The following RNF10 variants were observed in gnomAD, a reference collection of about 807,000 sequenced individuals.
The protein encoded by RNF10 is ring finger protein 10.
RNF10 carries 38 observed loss-of-function variants against 91.4 expected under a neutral mutation model. That is an observed-to-expected ratio of 0.42 (90% CI 0.32 to 0.54). The LOEUF is 0.54. Among genes scored for constraint, RNF10 ranks in the 20% least tolerant of loss-of-function variants. The pLI, the probability that RNF10 is intolerant of heterozygous loss-of-function variation, is 0.16. For synonymous variants in RNF10, 364 were observed against 366.3 expected (o/e 0.99, Z 0.07); for missense variants, 945 against 1,012.0 (o/e 0.93, Z 0.90).
chr12:120,576,803 T>C lies in RNF10; in HGVS notation c.*137T>C. ...CTCTGGGGGGAGGGGGTTTCCACAA[T>C]GTGAGGGGGAACCAAGAAAATTTTA... On this transcript the variant is annotated 3_prime_UTR_variant, in exon 17 of 17. Coordinates refer to ENST00000325954, the MANE Select transcript of RNF10 (RefSeq NM_014868.5). 1.7e-6 allele frequency: 2 copies of C among 1,186,380 alleles called. No individual in the cohort carries two copies. The highest frequency in any genetic ancestry group is 1.5e-5 in the African/African-American group (1 of 64,534). The allele number at this position is 1,186,380 out of a possible 1,614,324, so 73.5% of individuals were successfully genotyped here.
At chr12:120,575,560 A>C in intron 14 of RNF10, 71 bp from the exon 15 acceptor site, 1 of 1,546,294 alleles carries the variant, frequency 6.5e-7, no homozygotes, top group Non-Finnish European at 8.9e-7. Context: ...CCAGTTAGTC[A>C]AGGTAGGTCT....
chr12:120,548,662 T>TC (rs1359159888), intron 2 of RNF10, among the ~76,000 whole-genome samples: 8 of 145,548 alleles, frequency 5.5e-5, no homozygotes, highest in Non-Finnish European at 1.2e-4. Flanking sequence ...TTTTCTTTCT[T>TC]TTTTTTTTTT....
intron 6 of RNF10, among the ~76,000 whole-genome samples, chr12:120,559,844 C>T (rs917576937): frequency 5.9e-5 from 9 of 151,264 alleles, no homozygotes; most frequent in African/African-American, 1.2e-4. Flanking sequence ...TATAGGCGCC[C>T]GTCACCACGC....
At chr12:120,548,122 G>C (rs1387674249) in intron 2 of RNF10, among the ~76,000 whole-genome samples, 1 of 152,192 alleles carries the variant, frequency 6.6e-6, no homozygotes, top group Non-Finnish European at 1.5e-5. Flanking sequence ...GTTTTTTTGG[G>C]AGAGGGGAAT....
intron 6 of RNF10, among the ~76,000 whole-genome samples, chr12:120,559,026 A>T (rs1874427636): frequency 6.8e-6 from 1 of 146,878 alleles, no homozygotes; most frequent in African/African-American, 2.5e-5. Context: ...AATAATTAAA[A>T]TTAATTTAAT....
In RNF10 at chr12:120,544,176, G is replaced by A. The variant is rs147661957; in HGVS notation, c.158-2229G>A. ...CGGGAGGTAGAGGTTGCAGTGAGCC[G>A]AGATTGCGCCACTGCACTCCAGCCT... On this transcript the variant is annotated intron_variant, in intron 1 of 16. Transcript: ENST00000325954. Among the ~76,000 whole-genome samples the A allele has an allele frequency of 4.8e-3, 728 of 152,054 alleles. 6 individuals carry two copies. Among genetic ancestry groups the A allele is most frequent in the African/African-American group, 0.017 (709 of 41,456 alleles).
intron 1 of RNF10, chr12:120,535,463 C>T (rs1468284711): frequency 6.6e-6 from 1 of 152,274 alleles, no homozygotes; most frequent in Non-Finnish European, 1.5e-5. Context: ...GGAAGTCATC[C>T]TTCAGTGGCT....
chr12:120,569,818 C>T (rs539392672), intron 13 of RNF10, among the ~76,000 whole-genome samples: 1 of 150,056 alleles, frequency 6.7e-6, no homozygotes, highest in Admixed American at 6.6e-5. Context: ...GATTATAGGC[C>T]TGAGCCACTG....
chr12:120,548,697 C>G (rs1872646533), intron 2 of RNF10, among the ~76,000 whole-genome samples: 1 of 138,914 alleles, frequency 7.2e-6, no homozygotes, highest in African/African-American at 2.6e-5. Flanking sequence ...CTCGCTCTGT[C>G]CCCCCAGGCT....
intron 4 of RNF10, among the ~76,000 whole-genome samples, chr12:120,556,402 G>T (rs1206100040): frequency 6.6e-6 from 1 of 151,082 alleles, no homozygotes; most frequent in Non-Finnish European, 1.5e-5. Context: ...GCAGTGGCGG[G>T]TACCTGTAGT....
rs1217585079 is a variant in RNF10, at chr12:120,568,670, C to T, written c.2041+1690C>T. Among the ~76,000 whole-genome samples, 8 of 151,502 alleles carry T rather than the reference C, an allele frequency of 5.3e-5. No individual in the cohort carries two copies. The South Asian group carries it at 1.7e-3, about 32-fold the overall frequency. On this transcript the variant is annotated intron_variant, in intron 13 of 16. Coordinates refer to ENST00000325954, the MANE Select transcript of RNF10 (RefSeq NM_014868.5). Reference sequence around the variant, plus strand: ...TTTGTATTTTTAATAGAGACAGGGTCTCTCCATGTTGGCCAGGCTGGTCTC... The same window carrying T: ...TTTGTATTTTTAATAGAGACAGGGTTTCTCCATGTTGGCCAGGCTGGTCTC...
intron 13 of RNF10, 128 bp from the exon 14 acceptor site, chr12:120,571,062 GT>G (rs1876545683): frequency 1.6e-6 from 1 of 642,828 alleles, no homozygotes; most frequent in Non-Finnish European, 2.7e-6. Context: ...TTGGATCAAT[GT>G]TTGCTTTTTT....
chr12:120,573,680 CGAAGT>C (rs1322423520), intron 14 of RNF10, among the ~76,000 whole-genome samples: 1 of 151,864 alleles, frequency 6.6e-6, no homozygotes, highest in Non-Finnish European at 1.5e-5. Context: ...TCATGGTACA[CGAAGT>C]GAAGGGGTCC....
Position 120,534,757 on chromosome 12 carries a change from G to T in RNF10, c.-55G>T. 1 of 1,513,624 alleles carries T rather than the reference G, an allele frequency of 6.6e-7. No homozygotes were observed. The allele number at this position is 1,513,624 out of a possible 1,614,324, so 93.8% of individuals were successfully genotyped here. On this transcript the variant is annotated 5_prime_UTR_variant, in exon 1 of 17. Transcript: ENST00000325954. ...GCCGGCCCTGAACGCCATGAGCCTGGGTCCCCGCCGCGCCCGCTCCGCTCC... is the reference window on the plus strand; with the variant it reads ...GCCGGCCCTGAACGCCATGAGCCTGTGTCCCCGCCGCGCCCGCTCCGCTCC...
At chr12:120,567,109 C>A in intron 13 of RNF10, 129 bp downstream of exon 13, 1 of 800,614 alleles carries the variant, frequency 1.2e-6, no homozygotes, top group Non-Finnish European at 1.9e-6. Context: ...CTTTGGTAGT[C>A]CTGAGGTACA....
chr12:120,563,217 G>A, intron 8 of RNF10, 130 bp from the exon 9 acceptor site: 1 of 1,474,430 alleles, frequency 6.8e-7, no homozygotes, highest in Non-Finnish European at 9.3e-7. Context: ...TTTCCCCAGG[G>A]GTGTTAAATC....
Position 120,575,611 on chromosome 12 carries a change from C to T in RNF10, c.2143-20C>T. On this transcript the variant is annotated intron_variant, in intron 14 of 16. Transcript: ENST00000325954. ...CCAGCTACTTAAATTCTCTCCCCCA[C>T]TTCTTTCCCACTTTGGCAGATGCTG... 1 of 1,614,134 alleles carries T rather than the reference C, an allele frequency of 6.2e-7. No homozygotes were observed. The highest frequency in any genetic ancestry group is 8.5e-7 in the Non-Finnish European group (1 of 1,179,994).
chr12:120,571,370 G>A, intron 14 of RNF10, 79 bp downstream of exon 14: 1 of 1,040,572 alleles, frequency 9.6e-7, no homozygotes. Flanking sequence ...ACCTCCTCCA[G>A]GGATTGTTAC....
rs1875188748 is a variant in RNF10 at position 120,563,352 on chromosome 12, G to A, written c.1260G>A (p.Val420=). ...CTTAGAGTTTGCTGCAACAGGGTGTGCTGGAGTATCTGTCTGCCTTCGATG... is the reference window on the plus strand; with the variant it reads ...CTTAGAGTTTGCTGCAACAGGGTGTACTGGAGTATCTGTCTGCCTTCGATG... The part of the protein sequence containing the change: ...KESVFQPRKG[V]LEYLSAFDEE... The change falls in exon 9 of 17, where the codon GTG becomes GTA. Residue 420 remains valine (V), a synonymous_variant. Transcript: ENST00000325954. The A allele has an allele frequency of 1.2e-6, 2 of 1,609,982 alleles. No individual in the cohort carries two copies. Among genetic ancestry groups the A allele is most frequent in the Non-Finnish European group, 1.7e-6 (2 of 1,178,908 alleles).
Sources: allele counts gnomAD v4.1 joint callset (sites outside exome capture counted in the v4.1 genomes callset), GRCh38; gene constraint gnomAD v4.1.1; transcripts MANE v1.5; gene names NCBI Gene and HGNC (gene_info 2026-07-23, HGNC 2026-07-21).